TULP4: variants seen among roughly 807,000 people sequenced by gnomAD.
The protein encoded by TULP4 is TUB like protein 4.
A neutral mutation model predicts 129.0 loss-of-function variants in TULP4; 16 were observed. The observed-to-expected ratio is 0.12, with a 90% confidence interval of 0.08 to 0.19. The LOEUF (loss-of-function observed/expected upper bound fraction) is 0.19. Ranked by LOEUF, TULP4 falls within the 10% of genes least tolerant of loss-of-function variation. The pLI is 1.00. For synonymous variants in TULP4, 998 were observed against 854.0 expected (o/e 1.17, Z -2.94); for missense variants, 1,842 against 2,059.1 (o/e 0.89, Z 2.04).
upstream of TULP4, among the ~76,000 whole-genome samples, chr6:158,307,536 C>A (rs760217876): frequency 2.0e-5 from 3 of 152,104 alleles, no homozygotes; most frequent in Non-Finnish European, 2.9e-5. Flanking sequence ...GACTAGAGTG[C>A]GGTGGTGTGA....
intron 3 of TULP4, among the ~76,000 whole-genome samples, chr6:158,442,272 A>C (rs981232027): frequency 2.6e-5 from 4 of 152,022 alleles, no homozygotes; most frequent in Non-Finnish European, 2.9e-5. Flanking sequence ...AGAAATTACT[A>C]TTTTCATCAT....
intron 1 of TULP4, among the ~76,000 whole-genome samples, chr6:158,285,664 G>A (rs1778822563): frequency 1.3e-5 from 2 of 152,214 alleles, no homozygotes; most frequent in Admixed American, 1.3e-4. Context: ...TATTAGGATT[G>A]GAAGTGCATC....
chr6:158,321,928 G>T (rs543445698), intron 1 of TULP4, among the ~76,000 whole-genome samples: 1 of 152,112 alleles, frequency 6.6e-6, no homozygotes, highest in African/African-American at 2.4e-5. Flanking sequence ...TTTCTAGATT[G>T]TAAGAATGGT....
At chr6:158,505,992 C>T (rs1352556175) in intron 13 of TULP4, among the ~76,000 whole-genome samples, 1 of 151,768 alleles carries the variant, frequency 6.6e-6, no homozygotes, top group Admixed American at 6.6e-5. Context: ...CCACAGGTAA[C>T]TTTTCACGGA....
intron 1 of TULP4, among the ~76,000 whole-genome samples, chr6:158,344,603 A>C (rs1008112659): frequency 5.9e-5 from 9 of 152,210 alleles, no homozygotes; most frequent in African/African-American, 1.9e-4. Flanking sequence ...AACTGTGTGC[A>C]TATAAGACAG....
intron 1 of TULP4, among the ~76,000 whole-genome samples, chr6:158,349,245 A>ACGG (rs1780417972): frequency 2.3e-5 from 3 of 130,490 alleles, no homozygotes; most frequent in Admixed American, 7.4e-5. Context: ...CACATCCCAG[A>ACGG]TGGGGCGGCC....
At chr6:158,294,990 C>T (rs1024924809) in intron 1 of TULP4, among the ~76,000 whole-genome samples, 1 of 152,190 alleles carries the variant, frequency 6.6e-6, no homozygotes, top group African/African-American at 2.4e-5. Flanking sequence ...GGATTACAGG[C>T]ATGAGCCACC....
intron 1 of TULP4, among the ~76,000 whole-genome samples, chr6:158,258,829 T>C (rs1184279062): frequency 6.6e-6 from 1 of 152,258 alleles, no homozygotes. Flanking sequence ...TTATAGCTTA[T>C]TTTCACGTCA....
chr6:158,336,985 A>C (rs1780048707), intron 1 of TULP4, among the ~76,000 whole-genome samples: 1 of 151,874 alleles, frequency 6.6e-6, no homozygotes, highest in African/African-American at 2.4e-5. Context: ...TGCAGGGCTG[A>C]AGTTATTTGG....
intron 1 of TULP4, among the ~76,000 whole-genome samples, chr6:158,347,060 C>G (rs1447780528): frequency 6.6e-6 from 1 of 152,096 alleles, no homozygotes; most frequent in Admixed American, 6.6e-5. Context: ...TGCAATATTT[C>G]TTATAGGGCT....
intron 1 of TULP4, among the ~76,000 whole-genome samples, chr6:158,360,664 G>A (rs1286567825): frequency 6.6e-6 from 1 of 152,146 alleles, no homozygotes; most frequent in East Asian, 1.9e-4. Flanking sequence ...TTGCTGAGAT[G>A]TTTACTTAAT....
At chr6:158,277,916 A>G (rs569909927), upstream of TULP4, among the ~76,000 whole-genome samples, 1 of 152,078 alleles carries the variant, frequency 6.6e-6, no homozygotes, top group Admixed American at 6.5e-5. Context: ...GCTTGAGGCA[A>G]CTCTGTTTCC....
At chr6:158,368,072 A>AAAAAAAAAAAAAAAAAT (rs1776974941) in intron 1 of TULP4, among the ~76,000 whole-genome samples, 1 of 147,968 alleles carries the variant, frequency 6.8e-6, no homozygotes, top group Non-Finnish European at 1.5e-5. Flanking sequence ...TCTCCAAAAA[A>AAAAAAAAAAAAAAAAAT]AAAAAAAAAA....
chr6:158,327,371 G>A (rs910748399), intron 1 of TULP4, among the ~76,000 whole-genome samples: 2 of 152,112 alleles, frequency 1.3e-5, no homozygotes, highest in African/African-American at 4.8e-5. Context: ...GGGCTTTTTG[G>A]TTGTTGTTGC....
At chr6:158,269,745 A>G (rs1167563388) in intron 1 of TULP4, among the ~76,000 whole-genome samples, 8 of 152,232 alleles carry the variant, frequency 5.3e-5, no homozygotes, top group Non-Finnish European at 1.2e-4. Context: ...GCACTTTACT[A>G]TGTGGGCAGG....
chr6:158,366,551 G>A (rs375465674), intron 1 of TULP4, among the ~76,000 whole-genome samples: 23 of 152,114 alleles, frequency 1.5e-4, no homozygotes, highest in Non-Finnish European at 3.1e-4. Flanking sequence ...CGTCATACTC[G>A]GAGCCATTTG....
chr6:158,284,951 A>C (rs986949774), intron 1 of TULP4, among the ~76,000 whole-genome samples: 1 of 152,136 alleles, frequency 6.6e-6, no homozygotes, highest in Non-Finnish European at 1.5e-5. Context: ...AGATATGTCT[A>C]TTCTTCCTTT....
intron 1 of TULP4, among the ~76,000 whole-genome samples, chr6:158,385,072 C>T (rs568562259): frequency 6.6e-6 from 1 of 152,154 alleles, no homozygotes; most frequent in African/African-American, 2.4e-5. Context: ...AAGTTATCCT[C>T]GCCCACGTCA....
At chr6:158,419,803 T>C (rs1465637788) in intron 2 of TULP4, among the ~76,000 whole-genome samples, 2 of 152,204 alleles carry the variant, frequency 1.3e-5, no homozygotes, top group Non-Finnish European at 2.9e-5. Context: ...TATACACTTA[T>C]TAATAGCATC....
Sources: gnomAD v4.1 joint callset for allele counts (sites outside exome capture counted in the v4.1 genomes callset) on GRCh38, gnomAD v4.1.1 for gene constraint, MANE v1.5 for transcripts, NCBI Gene and HGNC (gene_info 2026-07-23, HGNC 2026-07-21) for gene names.